DNAH7: variants seen among roughly 807,000 people sequenced by gnomAD.
DNAH7 encodes the protein axonemal beta dynein heavy chain 7.
A neutral mutation model predicts 444.6 loss-of-function variants in DNAH7; 397 were observed. The ratio of observed to expected loss-of-function variants is 0.89; its 90% confidence interval spans 0.82 to 0.97. The LOEUF (loss-of-function observed/expected upper bound fraction) is 0.97. Among genes scored for constraint, DNAH7 ranks in the 50% least tolerant of loss-of-function variants. DNAH7 has a pLI of 0.00. For missense variants in DNAH7, 4,902 were observed against 4,800.8 expected, an observed-to-expected ratio of 1.02 and a Z score of -0.62; for synonymous variants, 1,636 against 1,624.4, an observed-to-expected ratio of 1.01 and a Z score of -0.17.
chr2:196,054,974 C>T (rs187791301), intron 2 of DNAH7, among the ~76,000 whole-genome samples: 6 of 152,268 alleles, frequency 3.9e-5, no homozygotes, highest in Admixed American at 2.6e-4. Flanking sequence ...TACCCAGTTT[C>T]GGGTATTTCT....
chr2:195,868,165 G>A (rs574836817), intron 40 of DNAH7, among the ~76,000 whole-genome samples: 82 of 139,500 alleles, frequency 5.9e-4, no homozygotes, highest in African/African-American at 2.2e-3. Flanking sequence ...GTGCGATCTC[G>A]GCTCACTGCA....
chr2:195,939,766 T>C (rs891991404), intron 19 of DNAH7, among the ~76,000 whole-genome samples: 4 of 152,120 alleles, frequency 2.6e-5, no homozygotes, highest in African/African-American at 9.7e-5. Context: ...CAAATGAATG[T>C]GATATCAGGG....
intron 5 of DNAH7, among the ~76,000 whole-genome samples, chr2:196,034,354 G>T (rs369238574): frequency 1.3e-5 from 2 of 152,164 alleles, no homozygotes; most frequent in East Asian, 1.9e-4. Context: ...ACACAAAAAT[G>T]TATATAAAGT....
intron 51 of DNAH7, among the ~76,000 whole-genome samples, chr2:195,813,860 CAATT>C (rs1697096304): frequency 6.6e-6 from 1 of 152,148 alleles, no homozygotes; most frequent in Non-Finnish European, 1.5e-5. Flanking sequence ...AGAAAACTAA[CAATT>C]AAATAAGTAA....
chr2:195,999,667 T>A (rs1378278839), intron 12 of DNAH7, among the ~76,000 whole-genome samples: 2 of 151,812 alleles, frequency 1.3e-5, no homozygotes, highest in African/African-American at 2.4e-5. Context: ...TGACTAAGTA[T>A]AAAAGACTAT....
At chr2:195,873,493 G>A (rs1443142005) in intron 39 of DNAH7, 75 bp downstream of exon 39, 5 of 916,320 alleles carry the variant, frequency 5.5e-6, no homozygotes, top group South Asian at 6.6e-5. Flanking sequence ...TTTGAAATAC[G>A]CTACTTAATA....
intron 55 of DNAH7, among the ~76,000 whole-genome samples, chr2:195,797,090 A>G (rs752334152): frequency 6.6e-6 from 1 of 152,214 alleles, no homozygotes; most frequent in Non-Finnish European, 1.5e-5. Context: ...CAAATCTGAA[A>G]AGAAAACTAA....
At chr2:196,029,447 T>G (rs1575059725) in intron 5 of DNAH7, among the ~76,000 whole-genome samples, 1 of 151,804 alleles carries the variant, frequency 6.6e-6, no homozygotes, top group Non-Finnish European at 1.5e-5. Context: ...CCAGTCAGAG[T>G]GAAGATCCTT....
In DNAH7 at chr2:195,915,670, G is replaced by A. The variant is rs1687632282; in HGVS notation, c.3936-5475C>T. Among the ~76,000 whole-genome samples the A allele has an allele frequency of 3.9e-5, 6 of 152,122 alleles. No homozygotes were observed. The South Asian group carries it at 1.2e-3, about 32-fold the overall frequency. On this transcript the variant is annotated intron_variant, in intron 24 of 64. Coordinates refer to ENST00000312428, the MANE Select transcript of DNAH7 (RefSeq NM_018897.3). Reference sequence around the variant, plus strand: ...TATTGTACTTAGGAGGTCAAATCCTGACATAAATGGGACCCTGTTTAAGTA... The same window carrying A: ...TATTGTACTTAGGAGGTCAAATCCTAACATAAATGGGACCCTGTTTAAGTA...
chr2:195,939,466 G>C (rs1689275433), intron 19 of DNAH7, among the ~76,000 whole-genome samples: 1 of 152,148 alleles, frequency 6.6e-6, no homozygotes, highest in African/African-American at 2.4e-5. Context: ...GAAACTCAAG[G>C]AATGTACAAG....
intron 10 of DNAH7, among the ~76,000 whole-genome samples, chr2:196,012,477 T>C (rs1412097207): frequency 7.2e-5 from 11 of 152,104 alleles, no homozygotes; most frequent in African/African-American, 2.7e-4. Context: ...AGATGACAAA[T>C]ACCTGGTGAA....
At chr2:195,986,971 T>C in intron 14 of DNAH7, 95 bp downstream of exon 14, 3 of 1,108,940 alleles carry the variant, frequency 2.7e-6, no homozygotes, top group Non-Finnish European at 2.5e-6. Flanking sequence ...GAATCATTTA[T>C]GGCATTGCTT....
rs1406480528 is a variant in DNAH7 at position 195,771,768 on chromosome 2, T to C, written c.11325A>G (p.Thr3775=). The change falls in exon 61 of 65, where the codon ACA becomes ACG. Residue 3775 remains threonine, a synonymous_variant. Coordinates refer to ENST00000312428, the MANE Select transcript of DNAH7 (RefSeq NM_018897.3). Reference sequence around the variant, plus strand: ...CAGTGTTCATGCTCTGAGTATAAGTTGTTGGGTACCTCCTCATGGCAGCCT... The same window carrying C: ...CAGTGTTCATGCTCTGAGTATAAGTCGTTGGGTACCTCCTCATGGCAGCCT... ...DIEAAMRRYP[T]TYTQSMNTVL... 6.2e-7 allele frequency: 1 copy of C among 1,614,204 alleles called. No individual in the cohort carries two copies. Among genetic ancestry groups the C allele is most frequent in the Non-Finnish European group, 8.5e-7 (1 of 1,180,030 alleles).
chr2:195,907,869 A>T (rs2125295671), intron 25 of DNAH7, among the ~76,000 whole-genome samples: 1 of 152,272 alleles, frequency 6.6e-6, no homozygotes, highest in East Asian at 1.9e-4. Flanking sequence ...TAGTTGGAGA[A>T]GACCCTATAA....
At chr2:195,950,277 T>C (rs1471540877) in intron 19 of DNAH7, among the ~76,000 whole-genome samples, 1 of 152,158 alleles carries the variant, frequency 6.6e-6, no homozygotes, top group Non-Finnish European at 1.5e-5. Context: ...ACTGCCTCAA[T>C]TTCAGAACTT....
At chr2:195,845,303 T>C (rs1280630052) in intron 46 of DNAH7, 138 bp from the exon 47 acceptor site, 1 of 625,784 alleles carries the variant, frequency 1.6e-6, no homozygotes, top group Admixed American at 3.7e-5. Flanking sequence ...GATTTCTGTT[T>C]CTCAGATTCT....
intron 58 of DNAH7, among the ~76,000 whole-genome samples, chr2:195,781,155 T>C (rs1038067952): frequency 2.6e-5 from 4 of 152,154 alleles, no homozygotes; most frequent in African/African-American, 7.2e-5. Context: ...TGGAGTTTGA[T>C]GATACACACA....
rs1243336641 is a variant in DNAH7 at position 195,976,786 on chromosome 2, A to AGAGAGAGAGAGAGAGAGAGG, written c.1834-4321_1834-4320insCCTCTCTCTCTCTCTCTCTC. ...GAGAGAGAGAGAGAGAGAGAGAGAG[A>AGAGAGAGAGAGAGAGAGAGG]GACTCTCTAATTATTTGGGAGAAAT... On this transcript the variant is annotated intron_variant, in intron 15 of 64. Transcript: ENST00000312428. 2.7e-5 allele frequency among the ~76,000 whole-genome samples: 4 copies of AGAGAGAGAGAGAGAGAGAGG among 147,522 alleles called. No individual in the cohort carries two copies. The South Asian group carries it at 6.4e-4, about 24-fold the overall frequency.
chr2:195,739,039 C>T (rs1692827240), intron 64 of DNAH7, among the ~76,000 whole-genome samples: 1 of 152,196 alleles, frequency 6.6e-6, no homozygotes, highest in Non-Finnish European at 1.5e-5. Flanking sequence ...ACTCAGATTT[C>T]ATTTCAACCC....
Sources: allele counts gnomAD v4.1 joint callset (sites outside exome capture counted in the v4.1 genomes callset), GRCh38; gene constraint gnomAD v4.1.1; transcripts MANE v1.5; gene names NCBI Gene and HGNC (gene_info 2026-07-23, HGNC 2026-07-21).